The following KLHL1 variants were observed in gnomAD, a reference collection of about 807,000 sequenced individuals.
KLHL1 encodes kelch like family member 1, also known as kelch-like protein 1.
KLHL1 carries 47 observed loss-of-function variants against 77.7 expected under a neutral mutation model. That is an observed-to-expected ratio of 0.60 (90% CI 0.48 to 0.77). The LOEUF (loss-of-function observed/expected upper bound fraction) is 0.77, where lower values mean the gene tolerates loss of function less well. KLHL1 is among the 30% of genes least tolerant of loss of function. The pLI is 0.00. For missense variants in KLHL1, 925 were observed against 910.8 expected (o/e 1.02, Z -0.20); for synonymous variants, 360 against 325.2 (o/e 1.11, Z -1.15).
chr13:69,992,689 T>A (rs1768794959), intron 1 of KLHL1, among the ~76,000 whole-genome samples: 1 of 151,960 alleles, frequency 6.6e-6, no homozygotes, highest in African/African-American at 2.4e-5. Flanking sequence ...TTCCAAAAGG[T>A]AAAGAAACCA....
chr13:70,106,943 G>A (rs1888075077), intron 1 of KLHL1, among the ~76,000 whole-genome samples: 2 of 152,178 alleles, frequency 1.3e-5, no homozygotes, highest in Admixed American at 1.3e-4. Context: ...CCACTTGAAG[G>A]CTTACAAAAA....
intron 4 of KLHL1, among the ~76,000 whole-genome samples, chr13:69,923,510 GC>G (rs1201586931): frequency 6.6e-6 from 1 of 152,062 alleles, no homozygotes; most frequent in East Asian, 1.9e-4. Flanking sequence ...TTCTTAAGAT[GC>G]TTTTATTTAT....
At chr13:70,012,685 T>A (rs2472281) in intron 1 of KLHL1, among the ~76,000 whole-genome samples, 1 of 151,966 alleles carries the variant, frequency 6.6e-6, no homozygotes, top group Non-Finnish European at 1.5e-5. Context: ...CTGAGGCGGG[T>A]GGATCACGAG....
chr13:69,764,929 CTTTTTTTTTTTTTTTTTTTTTTTTTT>C (rs71196263), intron 7 of KLHL1, among the ~76,000 whole-genome samples: 6 of 39,714 alleles, frequency 1.5e-4, no homozygotes, highest in African/African-American at 4.7e-4. Flanking sequence ...TATATCTTTG[CTTTTTTTTTTTTTTTTTTTTTTTTTT>C]TTTTTTTTTT....
intron 6 of KLHL1, among the ~76,000 whole-genome samples, chr13:69,807,233 C>A (rs977651215): frequency 1.3e-5 from 2 of 151,976 alleles, no homozygotes; most frequent in African/African-American, 4.8e-5. Context: ...TTCTTGTTGA[C>A]ACTGCTTGGT....
intron 1 of KLHL1, among the ~76,000 whole-genome samples, chr13:70,021,076 TG>T (rs1279543361): frequency 4.6e-5 from 7 of 152,084 alleles, no homozygotes; most frequent in African/African-American, 1.7e-4. Flanking sequence ...TCACTCTCAG[TG>T]TTGTCCATTC....
In KLHL1 at chr13:70,102,908, T is replaced by C. The variant is rs564432157; in HGVS notation, c.497+4295A>G. Among the ~76,000 whole-genome samples the C allele has an allele frequency of 3.3e-5, 5 of 152,306 alleles. No individual in the cohort carries two copies. The South Asian group carries it at 1.0e-3, about 32-fold the overall frequency. On this transcript the variant is annotated intron_variant, in intron 1 of 10. Coordinates refer to ENST00000377844, the MANE Select transcript of KLHL1 (RefSeq NM_020866.3). The stretch of plus-strand genomic sequence containing the variant: ...ATTTATTGAGTAACTACCTGCTCCA[T>C]GGTAAGGGTAGAATGATGAGTAAAA...
At chr13:69,918,544 C>T (rs1882522193) in intron 4 of KLHL1, among the ~76,000 whole-genome samples, 1 of 151,560 alleles carries the variant, frequency 6.6e-6, no homozygotes, top group Admixed American at 6.6e-5. Flanking sequence ...TGCTTGCCAG[C>T]ACTTCCTAAT....
At chr13:70,037,612 T>A (rs912382543) in intron 1 of KLHL1, among the ~76,000 whole-genome samples, 3 of 152,120 alleles carry the variant, frequency 2.0e-5, no homozygotes, top group African/African-American at 7.2e-5. Context: ...TTTCTTTTTT[T>A]CTTGTAATTC....
In KLHL1 at chr13:69,862,648, G is replaced by A. The variant is rs147574447; in HGVS notation, c.1227+19635C>T. On this transcript the variant is annotated intron_variant, in intron 5 of 10. Transcript: ENST00000377844. ...TGTTGAAGCGTTAACCTCAAGGTGA[G>A]TGTTTTTAGAGAAAGAGCCTTTAAG... Among the ~76,000 whole-genome samples, 46 of 152,172 alleles carry A rather than the reference G, an allele frequency of 3.0e-4. No homozygotes were observed. In the East Asian group the frequency reaches 7.4e-3, roughly 24 times the overall value.
At chr13:70,048,605 C>A (rs1886555289) in intron 1 of KLHL1, among the ~76,000 whole-genome samples, 1 of 152,186 alleles carries the variant, frequency 6.6e-6, no homozygotes. Context: ...GGGGCGGTTT[C>A]ATCAGGCACT....
chr13:69,722,783 AG>A (rs1873124864), intron 8 of KLHL1, among the ~76,000 whole-genome samples: 1 of 152,202 alleles, frequency 6.6e-6, no homozygotes, highest in African/African-American at 2.4e-5. Flanking sequence ...AATTACAAGT[AG>A]ATTCACCATA....
chr13:70,107,644 C>A lies in KLHL1; in HGVS notation c.56G>T (p.Trp19Leu). The A allele has an allele frequency of 9.0e-6, 14 of 1,554,602 alleles. No homozygotes were observed. The highest frequency in any genetic ancestry group is 1.1e-5 in the Non-Finnish European group (13 of 1,154,656). ...FDVKHILRLR[W>L]KLFSHPSPST... ...AGGAGACGGGTGGCTGAAGAGTTTC[C>A]AGCGGAGTCGCAGAATGTGCTTCAC... The change falls in exon 1 of 11, where the codon TGG becomes TTG. Residue 19 changes from tryptophan to leucine, a missense_variant. By Grantham distance (61) the Trp-to-Leu change is moderately conservative. Coordinates refer to ENST00000377844, the MANE Select transcript of KLHL1 (RefSeq NM_020866.3).
intron 1 of KLHL1, among the ~76,000 whole-genome samples, chr13:70,077,557 CTG>C (rs1295357826): frequency 6.6e-6 from 1 of 151,256 alleles, no homozygotes; most frequent in African/African-American, 2.5e-5. Flanking sequence ...ATACATAAAA[CTG>C]TATTTCTCAA....
chr13:69,963,949 T>C (rs1240648486), intron 2 of KLHL1, among the ~76,000 whole-genome samples: 1 of 152,184 alleles, frequency 6.6e-6, no homozygotes, highest in Non-Finnish European at 1.5e-5. Flanking sequence ...TTAAAAGTTA[T>C]TTACACATGA....
At chr13:69,785,453 C>G (rs1876484882) in intron 7 of KLHL1, among the ~76,000 whole-genome samples, 1 of 152,112 alleles carries the variant, frequency 6.6e-6, no homozygotes, top group Admixed American at 6.6e-5. Flanking sequence ...TTCTTTGAAA[C>G]CTATGAGAAC....
Position 69,771,803 on chromosome 13 carries a change from T to C in KLHL1, c.1639+24935A>G, listed in dbSNP as rs146110905. ...TTAATGACGATAATGGTGTAATATT[T>C]GTCTTTTACTCTGAAAAAATGGTCA... On this transcript the variant is annotated intron_variant, in intron 7 of 10. Transcript: ENST00000377844. 5.4e-3 allele frequency among the ~76,000 whole-genome samples: 816 copies of C among 152,294 alleles called. 4 individuals are homozygous for C. The highest frequency in any genetic ancestry group is 0.018 in the African/African-American group (756 of 41,566).
chr13:69,839,250 G>T, intron 5 of KLHL1, 88 bp from the exon 6 acceptor site: 1 of 883,668 alleles, frequency 1.1e-6, no homozygotes, highest in Non-Finnish European at 1.7e-6. Flanking sequence ...TAATGTCTGT[G>T]ATATTATCCT....
At chr13:69,875,853 C>CT (rs548122387) in intron 5 of KLHL1, among the ~76,000 whole-genome samples, 2,326 of 149,010 alleles carry the variant, frequency 0.016, 25 homozygotes, top group Middle Eastern at 0.043. Context: ...TAATCCTATT[C>CT]TTTTTTTTTT....
Sources: allele counts gnomAD v4.1 joint callset (sites outside exome capture counted in the v4.1 genomes callset), GRCh38; gene constraint gnomAD v4.1.1; transcripts MANE v1.5; gene names NCBI Gene and HGNC (gene_info 2026-07-23, HGNC 2026-07-21).